IK: variants seen among roughly 807,000 people sequenced by gnomAD.
IK encodes the protein protein Red.
Under a neutral mutation model 90.9 loss-of-function variants are expected in IK, and 47 were observed. The ratio of observed to expected loss-of-function variants is 0.52; its 90% CI spans 0.41 to 0.66. The LOEUF is 0.66. Among genes scored for constraint, IK ranks in the 30% least tolerant of loss-of-function variants. IK has a pLI of 0.00. For missense variants in IK, 385 were observed against 709.3 expected, an observed-to-expected ratio of 0.54 and a Z score of 5.19; for synonymous variants, 201 against 227.5, an observed-to-expected ratio of 0.88 and a Z score of 1.05.
At chr5:140,660,422 C>G in intron 15 of IK, 1 of 542,668 alleles carries the variant, frequency 1.8e-6, no homozygotes, top group South Asian at 2.3e-5. Flanking sequence ...CTCACCCTCC[C>G]AAGTAGCTGG....
chr5:140,655,848 G>C lies in IK; in HGVS notation c.657G>C (p.Met219Ile). ...KTRLGRNVYRMLFKSKAYERN... is the reference protein window; with the variant it reads ...KTRLGRNVYRILFKSKAYERN... ...TTGTAGGCCGCAATGTTTACCGAAT[G>C]CTTTTTAAGAGCAAAGCATATGAGC... Residue 219 changes from methionine (M) to isoleucine (I), a missense_variant, in exon 9 of 20, where the codon ATG becomes ATC. By Grantham distance (10) the Met-to-Ile change is conservative. Coordinates refer to ENST00000417647, the MANE Select transcript of IK (RefSeq NM_006083.4). 5 of 1,610,742 alleles carry C rather than the reference G, an allele frequency of 3.1e-6. No individual in the cohort carries two copies. Among genetic ancestry groups the C allele is most frequent in the Non-Finnish European group, 4.2e-6 (5 of 1,178,450 alleles).
In IK at chr5:140,649,234, G is replaced by A. The variant is rs183945220; in HGVS notation, c.83+697G>A. On this transcript the variant is annotated intron_variant, in intron 2 of 19. Transcript: ENST00000417647. ...CTTTCTTTTTTTTTTTTTTTGAGACGGAGTCTCACTGTTACCCAGGCTGGA... is the reference window on the plus strand; with the variant it reads ...CTTTCTTTTTTTTTTTTTTTGAGACAGAGTCTCACTGTTACCCAGGCTGGA... Among the ~76,000 whole-genome samples, 611 of 137,660 alleles carry A rather than the reference G, an allele frequency of 4.4e-3. 10 individuals are homozygous for A. The highest frequency in any genetic ancestry group is 0.016 in the African/African-American group (577 of 36,288). 90.3% of individuals were successfully genotyped at this position (137,660 alleles called of 152,430 possible). A position where few individuals can be genotyped will look rare whatever the true frequency, so the allele number is the denominator to read the frequency against.
intron 2 of IK, among the ~76,000 whole-genome samples, chr5:140,651,125 C>T (rs2569159): frequency 0.41 from 62,968 of 151,994 alleles, 13,270 homozygotes; most frequent in East Asian, 0.46. Flanking sequence ...ATCAAACTTT[C>T]TGGTAGTTAA....
Position 140,659,066 on chromosome 5 carries a change from C to G in IK, c.1078C>G (p.Arg360Gly). The G allele has an allele frequency of 6.2e-7, 1 of 1,610,716 alleles. No individual in the cohort carries two copies. Among genetic ancestry groups the G allele is most frequent in the Non-Finnish European group, 8.5e-7 (1 of 1,177,386 alleles). ...RDRDRDRERERERDRERERER... is the reference protein window; with the variant it reads ...RDRDRDREREGERDRERERER... ...CAGAGACCGTGACCGAGAGCGAGAG[C>G]GAGAACGAGATCGGGAACGAGAGCG... is the stretch of plus-strand genomic sequence containing the variant. The change falls in exon 12 of 20, where the codon CGA (arginine) becomes GGA (glycine). Residue 360 changes from arginine (R) to glycine (G), a missense_variant. By Grantham distance (125) the Arg-to-Gly change is moderately radical. Coordinates refer to ENST00000417647, the MANE Select transcript of IK (RefSeq NM_006083.4).
At chr5:140,647,965 T>TGCG in intron 1 of IK, 41 bp downstream of exon 1, 1 of 1,606,500 alleles carries the variant, frequency 6.2e-7, no homozygotes, top group Non-Finnish European at 8.5e-7. Flanking sequence ...CCATGGCACT[T>TGCG]GGGGCACTTG....
intron 15 of IK, 97 bp downstream of exon 15, chr5:140,660,292 C>CTTTTTATTTTTTTTTTTTTTTT (rs1757781599): frequency 4.1e-6 from 1 of 245,104 alleles, no homozygotes; most frequent in African/African-American, 5.2e-5. Context: ...AGGGCTACTT[C>CTTTTTATTTTTTTTTTTTTTTT]TTTTTTTTTT....
At chr5:140,657,838 C>T (rs911263007) in intron 10 of IK, among the ~76,000 whole-genome samples, 176 bp downstream of exon 10, 10 of 152,154 alleles carry the variant, frequency 6.6e-5, no homozygotes, top group African/African-American at 2.2e-4. Flanking sequence ...GTCTCCTTAA[C>T]CTACCTAAGA....
chr5:140,649,421 G>C (rs1048101143), intron 2 of IK, among the ~76,000 whole-genome samples: 2 of 146,612 alleles, frequency 1.4e-5, no homozygotes, highest in African/African-American at 5.0e-5. Flanking sequence ...CACTGTGTTC[G>C]TCAGGCTGGT....
chr5:140,654,468 A>G (rs762929451), intron 6 of IK, 48 bp from the exon 7 acceptor site: 2 of 1,428,814 alleles, frequency 1.4e-6, no homozygotes, highest in Non-Finnish European at 1.9e-6. Context: ...GTGGATGTTC[A>G]ATAAATATAT....
Position 140,661,463 on chromosome 5 carries a change from G to A in IK, c.1414-157G>A, listed in dbSNP as rs944993771. 17 of 615,002 alleles carry A rather than the reference G, an allele frequency of 2.8e-5. No homozygotes were observed. The highest frequency in any genetic ancestry group is 4.4e-5 in the Non-Finnish European group (15 of 338,624). The allele number at this position is 615,002 out of a possible 1,614,324, so 38.1% of individuals were successfully genotyped here. A position where few individuals can be genotyped will look rare whatever the true frequency, so the allele number is the denominator to read the frequency against. On this transcript the variant is annotated intron_variant, in intron 16 of 19. Transcript: ENST00000417647. The surrounding 1 kb of genome is among the most constrained non-coding windows in gnomAD (Gnocchi z 4.2). ...TGTACAGAATAATGCCTGTCACATA[G>A]TAAGTATGTAATAAGCATTTATTAT...
intron 2 of IK, among the ~76,000 whole-genome samples, chr5:140,649,261 T>G (rs1581479407): frequency 6.7e-6 from 1 of 149,922 alleles, no homozygotes; most frequent in African/African-American, 2.5e-5. Flanking sequence ...CAGGCTGGAG[T>G]GCAGTGATGC....
chr5:140,648,007 G>GTGTGT, intron 1 of IK, 83 bp downstream of exon 1: 1 of 930,682 alleles, frequency 1.1e-6, no homozygotes, highest in South Asian at 1.4e-5. Flanking sequence ...GCTTAAGCCG[G>GTGTGT]GTGTGTGTGT....
intron 10 of IK, among the ~76,000 whole-genome samples, chr5:140,658,094 G>A (rs1205003045): frequency 6.6e-6 from 1 of 151,992 alleles, no homozygotes; most frequent in Non-Finnish European, 1.5e-5. Context: ...CTGCCTCCCG[G>A]GGTCAAGCGA....
At chr5:140,650,061 A>G (rs1757588538) in intron 2 of IK, among the ~76,000 whole-genome samples, 1 of 152,052 alleles carries the variant, frequency 6.6e-6, no homozygotes, top group South Asian at 2.1e-4. Context: ...AAAGAGTCCC[A>G]TTTTTCAGCA....
At chr5:140,648,613 C>CTGAATGTCTTG in intron 2 of IK, 76 bp downstream of exon 2, 1 of 1,359,866 alleles carries the variant, frequency 7.4e-7, no homozygotes, top group East Asian at 2.3e-5. Context: ...TGAAAGAATT[C>CTGAATGTCTTG]TGAATGTCTT....
chr5:140,655,800 G>A, intron 8 of IK, 29 bp from the exon 9 acceptor site: 1 of 1,602,298 alleles, frequency 6.2e-7, no homozygotes, highest in Non-Finnish European at 8.5e-7. Flanking sequence ...GTAGATCCTG[G>A]CTACTTGCTG....
intron 1 of IK, 89 bp downstream of exon 1, chr5:140,648,013 T>G (rs1757512770): frequency 2.4e-6 from 2 of 846,530 alleles, no homozygotes; most frequent in Non-Finnish European, 3.9e-6. Context: ...GCCGGGTGTG[T>G]GTGTGTGTGT....
chr5:140,651,334 G>A (rs1225552635), intron 2 of IK, among the ~76,000 whole-genome samples: 2 of 151,592 alleles, frequency 1.3e-5, no homozygotes, highest in African/African-American at 4.9e-5. Context: ...AGCTACTTGT[G>A]AGGCTGAGGC....
Position 140,662,432 on chromosome 5 carries a change from A to G in IK, c.*103A>G. 4 of 1,252,106 alleles carry G rather than the reference A, an allele frequency of 3.2e-6. No individual in the cohort carries two copies. Among genetic ancestry groups the G allele is most frequent in the Non-Finnish European group, 4.7e-6 (4 of 860,050 alleles). 77.6% of individuals were successfully genotyped at this position (1,252,106 alleles called of 1,614,324 possible). The stretch of plus-strand genomic sequence containing the variant: ...GATGTTTTTTTGTGGATGAATATAA[A>G]ATTTTATTGTGTAATTACTTGGTTC... On this transcript the variant is annotated 3_prime_UTR_variant, in exon 20 of 20. Transcript: ENST00000417647.
Sources: gnomAD v4.1 joint callset for allele counts (sites outside exome capture counted in the v4.1 genomes callset) on GRCh38, gnomAD v4.1.1 for gene constraint, Gnocchi (gnomAD v3.1) non-coding constraint, MANE v1.5 for transcripts, NCBI Gene and HGNC (gene_info 2026-07-23, HGNC 2026-07-21) for gene names.